OSBPL6: variants seen among roughly 807,000 people sequenced by gnomAD.
OSBPL6 encodes the protein oxysterol binding protein like 6.
In OSBPL6, 49 loss-of-function variants were observed where a neutral mutation model predicts 125.8. That is an observed-to-expected ratio of 0.39 (90% CI 0.31 to 0.49). The LOEUF (loss-of-function observed/expected upper bound fraction) is 0.49. OSBPL6 is among the 20% of genes least tolerant of loss of function. The pLI is 0.88. For missense variants in OSBPL6, 986 were observed against 1,135.4 expected (o/e 0.87, Z 1.89); for synonymous variants, 394 against 391.8 (o/e 1.01, Z -0.07).
In OSBPL6 at chr2:178,324,313, G is replaced by T. The variant is rs1326394306; in HGVS notation, c.195+44G>T. The T allele has an allele frequency of 1.1e-5, 15 of 1,383,428 alleles. No homozygotes were observed. The South Asian group carries it at 1.8e-4, about 17-fold the overall frequency. 85.7% of individuals were successfully genotyped at this position (1,383,428 alleles called of 1,614,324 possible). A position where few individuals can be genotyped will look rare whatever the true frequency, so the allele number is the denominator to read the frequency against. ...TGCTTTCTCTGCTGGCATGATGCCT[G>T]CTCTGGGGCCAATTGAACTGTGAAT... On this transcript the variant is annotated intron_variant, in intron 4 of 24. Coordinates refer to ENST00000190611, the MANE Select transcript of OSBPL6 (RefSeq NM_032523.4).
chr2:178,363,116 A>G (rs1401837312), intron 13 of OSBPL6, among the ~76,000 whole-genome samples: 1 of 152,212 alleles, frequency 6.6e-6, no homozygotes. Flanking sequence ...TGTTGCAATG[A>G]TTCCTTCAGA....
chr2:178,209,839 G>C (rs1300385294), intron 1 of OSBPL6, among the ~76,000 whole-genome samples: 1 of 151,248 alleles, frequency 6.6e-6, no homozygotes, highest in Non-Finnish European at 1.5e-5. Context: ...TTGCCTGAAG[G>C]CTACAGGTCT....
At chr2:178,392,675 G>GAGTCTCACTATAT in intron 23 of OSBPL6, 137 bp downstream of exon 23, 1 of 1,145,318 alleles carries the variant, frequency 8.7e-7, no homozygotes, top group Non-Finnish European at 1.2e-6. Flanking sequence ...GGACAATATA[G>GAGTCTCACTATAT]TGAGACTCTA....
At chr2:178,331,302 C>T (rs1299903240) in intron 5 of OSBPL6, among the ~76,000 whole-genome samples, 1 of 152,142 alleles carries the variant, frequency 6.6e-6, no homozygotes, top group Non-Finnish European at 1.5e-5. Context: ...TAAGAAAAAT[C>T]ATGGTGAAAA....
chr2:178,394,971 T>C (rs537085407), intron 24 of OSBPL6, among the ~76,000 whole-genome samples: 2 of 152,190 alleles, frequency 1.3e-5, no homozygotes, highest in African/African-American at 4.8e-5. Flanking sequence ...AGGGTAACCT[T>C]ATCTCCTTTA....
At chr2:178,239,539 TAAAA>T (rs1295364589) in intron 1 of OSBPL6, among the ~76,000 whole-genome samples, 3 of 151,982 alleles carry the variant, frequency 2.0e-5, no homozygotes, top group Admixed American at 1.3e-4. Context: ...CTCAAAAAAA[TAAAA>T]TAACAGTGAG....
chr2:178,200,115 T>C (rs2089161876), intron 1 of OSBPL6, among the ~76,000 whole-genome samples: 1 of 152,180 alleles, frequency 6.6e-6, no homozygotes, highest in Admixed American at 6.5e-5. Flanking sequence ...TTAAAGCACA[T>C]TTCTTTAAGT....
At chr2:178,194,101 C>A (rs2088685079), upstream of OSBPL6, among the ~76,000 whole-genome samples, 1 of 152,212 alleles carries the variant, frequency 6.6e-6, no homozygotes, top group Non-Finnish European at 1.5e-5. Flanking sequence ...TCTGGGCAAC[C>A]CTCCCGAGCG....
At chr2:178,360,426 G>C (rs1692242558) in intron 12 of OSBPL6, among the ~76,000 whole-genome samples, 1 of 152,114 alleles carries the variant, frequency 6.6e-6, no homozygotes. Flanking sequence ...TTCCACCACA[G>C]TAACCGTTTT....
rs573011574 is a variant in OSBPL6, at chr2:178,256,108, T to TA, written c.-350-28818dup. Reference sequence around the variant, plus strand: ...TCAAGCATGTGGTTTCCTGGGCTGATACAGAAGCTTTCTTCTTTGATGGCA... The same window carrying TA: ...TCAAGCATGTGGTTTCCTGGGCTGATAACAGAAGCTTTCTTCTTTGATGGCA... On this transcript the variant is annotated intron_variant, in intron 1 of 24. Transcript: ENST00000190611. Among the ~76,000 whole-genome samples the TA allele has an allele frequency of 9.8e-5, 15 of 152,332 alleles. No individual in the cohort carries two copies. In the South Asian group the frequency reaches 3.1e-3, roughly 32 times the overall value.
intron 1 of OSBPL6, among the ~76,000 whole-genome samples, chr2:178,224,310 A>G (rs2090462307): frequency 6.6e-6 from 1 of 152,252 alleles, no homozygotes; most frequent in African/African-American, 2.4e-5. Flanking sequence ...TTGCAGAGTG[A>G]GCAGAAGTAC....
chr2:178,375,851 G>T (rs139070085), intron 15 of OSBPL6, among the ~76,000 whole-genome samples: 3 of 152,208 alleles, frequency 2.0e-5, no homozygotes, highest in African/African-American at 7.2e-5. Context: ...GCACACCCCA[G>T]CTGGGACCCC....
At chr2:178,357,669 C>T (rs1440021155) in intron 12 of OSBPL6, among the ~76,000 whole-genome samples, 3 of 152,078 alleles carry the variant, frequency 2.0e-5, no homozygotes, top group Non-Finnish European at 4.4e-5. Context: ...TGTGAAAAAC[C>T]ATGTGGTGAC....
intron 2 of OSBPL6, among the ~76,000 whole-genome samples, chr2:178,297,536 C>T (rs334618): frequency 0.99 from 150,377 of 152,370 alleles, 74,242 homozygotes; most frequent in East Asian, 1. Flanking sequence ...GATTTAAGTC[C>T]TAATTAAAGT....
intron 12 of OSBPL6, among the ~76,000 whole-genome samples, chr2:178,350,471 G>A (rs569844519): frequency 1.3e-5 from 2 of 152,290 alleles, no homozygotes; most frequent in South Asian, 2.1e-4. Context: ...AAAGAAGGGG[G>A]CACACTGAAG....
intron 9 of OSBPL6, among the ~76,000 whole-genome samples, chr2:178,338,275 T>G (rs56148541): frequency 7.4e-6 from 1 of 135,368 alleles, no homozygotes; most frequent in South Asian, 2.9e-4. Context: ...TAAAGGTCAG[T>G]TTTTTTTTTA....
intron 12 of OSBPL6, among the ~76,000 whole-genome samples, chr2:178,359,653 A>G (rs1178990199): frequency 1.3e-5 from 2 of 152,254 alleles, no homozygotes; most frequent in Non-Finnish European, 2.9e-5. Flanking sequence ...GAAACCACCC[A>G]GGTATCTGTC....
chr2:178,395,470 C>G lies in OSBPL6; in HGVS notation c.2716C>G (p.Gln906Glu). 1 of 1,613,364 alleles carries G rather than the reference C, an allele frequency of 6.2e-7. No homozygotes were observed. The highest frequency in any genetic ancestry group is 8.5e-7 in the Non-Finnish European group (1 of 1,179,604). ...TCACAGAAAAGTTATTGATGCCAAT[C>G]AAAGAGAAGCCTGGGTTTCTAACGA... is the stretch of plus-strand genomic sequence containing the variant. ...KFFKKVIDAN[Q>E]REAWVSNDTY... The change falls in exon 25 of 25, where the codon CAA becomes GAA. Residue 906 changes from glutamine (Q) to glutamate (E), a missense_variant. Around this residue, in one of 3 missense-constraint regions of OSBPL6, gnomAD observed 843 missense variants for 997.3 expected, o/e 0.85. Transcript: ENST00000190611.
intron 2 of OSBPL6, among the ~76,000 whole-genome samples, chr2:178,289,262 C>T (rs996957502): frequency 2.6e-5 from 4 of 152,046 alleles, no homozygotes; most frequent in Admixed American, 6.5e-5. Context: ...ATGATCCACC[C>T]GCCTCGGCCT....
Sources: allele counts gnomAD v4.1 joint callset (sites outside exome capture counted in the v4.1 genomes callset), GRCh38; gene constraint gnomAD v4.1.1; regional missense constraint gnomAD v4.1.1; transcripts MANE v1.5; gene names NCBI Gene and HGNC (gene_info 2026-07-23, HGNC 2026-07-21).